DAZAP1: variants seen among roughly 807,000 people sequenced by gnomAD.
DAZAP1 encodes DAZ associated protein 1.
In DAZAP1, 6 loss-of-function variants were observed where a neutral mutation model predicts 60.1. The ratio of observed to expected loss-of-function variants is 0.10; its 90% CI spans 0.05 to 0.20. The LOEUF (loss-of-function observed/expected upper bound fraction) is 0.20, where lower values mean the gene tolerates loss of function less well. Ranked by LOEUF, DAZAP1 falls within the 10% of genes least tolerant of loss-of-function variation. The probability of loss-of-function intolerance (pLI) is 1.00; values close to 1 mark genes in which losing one functional copy is unlikely to be tolerated. For missense variants in DAZAP1, 366 were observed against 560.4 expected (o/e 0.65, Z 3.50); for synonymous variants, 235 against 215.9 (o/e 1.09, Z -0.78).
At position 1,430,304 on chromosome 19, in the gene DAZAP1, T is replaced by C. The variant is rs113778676; in HGVS notation, c.813T>C (p.Pro271=). The change falls in exon 10 of 12, where the codon CCT becomes CCC. Residue 271 remains proline, a synonymous_variant. Transcript: ENST00000233078. The part of the protein sequence containing the change: ...PFTSYIVSTP[P]GGFPPPQGFP... The stretch of plus-strand genomic sequence containing the variant: ...CCTCCTACATCGTGTCCACCCCTCC[T>C]GGAGGCTTTCCCCCTCCCCAGGGCT... The C allele has an allele frequency of 2.4e-3, 3,110 of 1,297,966 alleles. 68 individuals are homozygous for C. In the African/African-American group the frequency reaches 0.045, roughly 19 times the overall value. 80.4% of individuals were successfully genotyped at this position (1,297,966 alleles called of 1,614,324 possible). A position where few individuals can be genotyped will look rare whatever the true frequency, so the allele number is the denominator to read the frequency against.
intron 4 of DAZAP1, among the ~76,000 whole-genome samples, chr19:1,420,022 C>A (rs1234015685): frequency 9.1e-5 from 7 of 76,806 alleles, no homozygotes; most frequent in Admixed American, 1.5e-4. Flanking sequence ...ACCATCCCTA[C>A]AGTCACGGCG....
chr19:1,409,293 G>A (rs1569029100), intron 1 of DAZAP1, among the ~76,000 whole-genome samples: 1 of 152,144 alleles, frequency 6.6e-6, no homozygotes, highest in Non-Finnish European at 1.5e-5. Context: ...TCCCAGATGG[G>A]GTACCTGGAT....
In DAZAP1 at chr19:1,428,128, A is replaced by T. The variant is rs1369538535; in HGVS notation, c.547-714A>T. 6.6e-6 allele frequency: 1 copy of T among 152,192 alleles called. No individual in the cohort carries two copies. Among genetic ancestry groups the T allele is most frequent in the Non-Finnish European group, 1.5e-5 (1 of 68,072 alleles). The allele number at this position is 152,192 out of a possible 1,614,324, so 9.4% of individuals were successfully genotyped here. Reference sequence around the variant, plus strand: ...CCTCCTGAGAAGACTGTGGCTCCTGACACGTCTAGAGAGGAAGGGCCCCGG... The same window carrying T: ...CCTCCTGAGAAGACTGTGGCTCCTGTCACGTCTAGAGAGGAAGGGCCCCGG... On this transcript the variant is annotated intron_variant, in intron 7 of 11. Transcript: ENST00000233078. The surrounding 1 kb of genome is among the most constrained non-coding windows in gnomAD (Gnocchi z 4.0).
At position 1,433,129 on chromosome 19, in the gene DAZAP1, G is replaced by A. The variant is rs935366891; in HGVS notation, c.1048+439G>A. 3 of 192,988 alleles carry A rather than the reference G, an allele frequency of 1.6e-5. No individual in the cohort carries two copies. Among genetic ancestry groups the A allele is most frequent in the Non-Finnish European group, 3.2e-5 (3 of 92,974 alleles). 12.0% of individuals were successfully genotyped at this position (192,988 alleles called of 1,614,324 possible). A position where few individuals can be genotyped will look rare whatever the true frequency, so the allele number is the denominator to read the frequency against. Reference sequence around the variant, plus strand: ...GGCAGAAGCTGGGTCTGTAGTAGGCGTGGCCTGGACGTGGGCTTCACCCTG... The same window carrying A: ...GGCAGAAGCTGGGTCTGTAGTAGGCATGGCCTGGACGTGGGCTTCACCCTG... On this transcript the variant is annotated intron_variant, in intron 11 of 11. Coordinates refer to ENST00000233078, the MANE Select transcript of DAZAP1 (RefSeq NM_018959.4). This position sits in a 1 kb window ranked among gnomAD's most constrained non-coding sequence, Gnocchi z 6.1.
In DAZAP1 at chr19:1,432,645, A is replaced by G; in HGVS notation, c.1003A>G (p.Ser335Gly). 6.2e-7 allele frequency: 1 copy of G among 1,612,974 alleles called. No homozygotes were observed. The highest frequency in any genetic ancestry group is 8.5e-7 in the Non-Finnish European group (1 of 1,179,714). Residue 335 changes from serine to glycine, a missense_variant, in exon 11 of 12, where the codon AGC becomes GGC. By Grantham distance (56) the Ser-to-Gly change is moderately conservative. Coordinates refer to ENST00000233078, the MANE Select transcript of DAZAP1 (RefSeq NM_018959.4). This position sits in a 1 kb window ranked among gnomAD's most constrained non-coding sequence, Gnocchi z 4.9. ...PPPSQAAPDM[S>G]KPPTAQPDFP... ...TCCGTCTCAGGCTGCCCCGGACATG[A>G]GCAAGCCCCCGACAGCTCAGCCAGA...
At chr19:1,411,319 A>G (rs2082824028) in intron 1 of DAZAP1, among the ~76,000 whole-genome samples, 1 of 152,180 alleles carries the variant, frequency 6.6e-6, no homozygotes, top group Admixed American at 6.5e-5. Flanking sequence ...TTTGGCCTCC[A>G]TTCACTCCGG....
chr19:1,428,906 G>A lies in DAZAP1; in HGVS notation c.611G>A (p.Ser204Asn), dbSNP rs767767105. 2.5e-6 allele frequency: 4 copies of A among 1,612,970 alleles called. No individual in the cohort carries two copies. Among genetic ancestry groups the A allele is most frequent in the East Asian group, 4.5e-5 (2 of 44,860 alleles). The stretch of plus-strand genomic sequence containing the variant: ...CAAGCGCCGGGACAGCCAGGTGCCA[G>A]CCAGTGGGGGAGCCGGGTTGTGCCC... ...KSQAPGQPGA[S>N]QWGSRVVPNA... Residue 204 changes from serine to asparagine, a missense_variant, in exon 8 of 12, where the codon AGC (serine) becomes AAC (asparagine). Coordinates refer to ENST00000233078, the MANE Select transcript of DAZAP1 (RefSeq NM_018959.4). The surrounding 1 kb of genome is among the most constrained non-coding windows in gnomAD (Gnocchi z 4.0).
At chr19:1,415,319 A>G (rs1241511298) in intron 1 of DAZAP1, among the ~76,000 whole-genome samples, 1 of 139,106 alleles carries the variant, frequency 7.2e-6, no homozygotes, top group Non-Finnish European at 1.5e-5. Context: ...TGTTTCTTCA[A>G]GTGACTTGGA....
intron 1 of DAZAP1, among the ~76,000 whole-genome samples, chr19:1,415,056 G>A (rs910052052): frequency 1.3e-5 from 2 of 152,024 alleles, no homozygotes; most frequent in South Asian, 2.1e-4. Flanking sequence ...CGTGATCTGC[G>A]CCCAGCTGAG....
rs148335010 is a variant in DAZAP1 at position 1,418,487 on chromosome 19, G to A, written c.237+117G>A. 10 of 1,430,202 alleles carry A rather than the reference G, an allele frequency of 7.0e-6. No individual in the cohort carries two copies. Among genetic ancestry groups the A allele is most frequent in the African/African-American group, 4.2e-5 (3 of 71,268 alleles). 88.6% of individuals were successfully genotyped at this position (1,430,202 alleles called of 1,614,324 possible). A position where few individuals can be genotyped will look rare whatever the true frequency, so the allele number is the denominator to read the frequency against. On this transcript the variant is annotated intron_variant, in intron 3 of 11. Coordinates refer to ENST00000233078, the MANE Select transcript of DAZAP1 (RefSeq NM_018959.4). The surrounding 1 kb of genome is among the most constrained non-coding windows in gnomAD (Gnocchi z 5.7). ...TTAGAGTATGTTTGAACGTGGGGTC[G>A]ATTGGGAAGGATTAAGCCTTGGTGC...
chr19:1,427,673 C>T (rs535827986), intron 7 of DAZAP1: 2 of 152,376 alleles, frequency 1.3e-5, no homozygotes, highest in East Asian at 3.9e-4. Context: ...AAGACTCGCT[C>T]ATTTGAGTTC....
chr19:1,434,119 A>G lies in DAZAP1; in HGVS notation c.1049-618A>G. The G allele has an allele frequency of 2.3e-6, 1 of 427,454 alleles. No homozygotes were observed. The highest frequency in any genetic ancestry group is 4.3e-6 in the Non-Finnish European group (1 of 233,276). The allele number at this position is 427,454 out of a possible 1,614,324, so 26.5% of individuals were successfully genotyped here. ...GCGGCGTGAGCAGCTCTGTCCTTGT[A>G]AAGACACCGCTGTCCATGCTCCTGA... On this transcript the variant is annotated intron_variant, in intron 11 of 11. Coordinates refer to ENST00000233078, the MANE Select transcript of DAZAP1 (RefSeq NM_018959.4). The surrounding 1 kb of genome is among the most constrained non-coding windows in gnomAD (Gnocchi z 8.0).
Position 1,428,606 on chromosome 19 carries a change from TGTGTCTTACG to T in DAZAP1, c.547-233_547-224del. On this transcript the variant is annotated intron_variant, in intron 7 of 11. Transcript: ENST00000233078. This position sits in a 1 kb window ranked among gnomAD's most constrained non-coding sequence, Gnocchi z 4.0. ...GCTGCCCCGCAGTGGGCGGGCTCTGTGTGTCTTACGGTTGCATCTGTTGTACCTGAGAAAC... is the reference window on the plus strand; with the variant it reads ...GCTGCCCCGCAGTGGGCGGGCTCTGTGTTGCATCTGTTGTACCTGAGAAAC... 1 of 507,262 alleles carries T rather than the reference TGTGTCTTACG, an allele frequency of 2.0e-6. No homozygotes were observed. The highest frequency in any genetic ancestry group is 3.4e-6 in the Non-Finnish European group (1 of 293,196). 31.4% of individuals were successfully genotyped at this position (507,262 alleles called of 1,614,324 possible).
In DAZAP1 at chr19:1,418,574, G is replaced by T; in HGVS notation, c.238-92G>T. ...GAGCCGGCGGGGCGGGGCGGGCCGGGCTGCTGTGCCGTGGCTGCTGTTGTG... is the reference window on the plus strand; with the variant it reads ...GAGCCGGCGGGGCGGGGCGGGCCGGTCTGCTGTGCCGTGGCTGCTGTTGTG... On this transcript the variant is annotated intron_variant, in intron 3 of 11. Transcript: ENST00000233078. This position sits in a 1 kb window ranked among gnomAD's most constrained non-coding sequence, Gnocchi z 5.7. The T allele has an allele frequency of 6.5e-7, 1 of 1,537,254 alleles. No homozygotes were observed. Among genetic ancestry groups the T allele is most frequent in the Non-Finnish European group, 9.0e-7 (1 of 1,111,606 alleles).
In DAZAP1 at chr19:1,417,557, T is replaced by G. The variant is rs751555499; in HGVS notation, c.70+17T>G. 1.2e-6 allele frequency: 2 copies of G among 1,600,646 alleles called. No individual in the cohort carries two copies. The highest frequency in any genetic ancestry group is 2.3e-5 in the South Asian group (2 of 88,384). ...CGACCCAAGGTAGGTGGGGAAGGGGTGTCAGGTGGGTACTGCAGATGGGCT... is the reference window on the plus strand; with the variant it reads ...CGACCCAAGGTAGGTGGGGAAGGGGGGTCAGGTGGGTACTGCAGATGGGCT... On this transcript the variant is annotated intron_variant, in intron 2 of 11. Transcript: ENST00000233078.
rs1038865455 is a variant in DAZAP1, at chr19:1,422,992, G to T, written c.463+596G>T. 6.6e-6 allele frequency among the ~76,000 whole-genome samples: 1 copy of T among 152,120 alleles called. No individual in the cohort carries two copies. Among genetic ancestry groups the T allele is most frequent in the East Asian group, 1.9e-4 (1 of 5,200 alleles). ...CCATGCTGGTTTGTGGAGCTGGGAC[G>T]ATGGGCGCCCAGTTTCTGTGCCCCT... On this transcript the variant is annotated intron_variant, in intron 6 of 11. Transcript: ENST00000233078. This position sits in a 1 kb window ranked among gnomAD's most constrained non-coding sequence, Gnocchi z 4.5.
rs539736575 is a variant in DAZAP1, at chr19:1,412,445, T to C, written c.29+4643T>C. On this transcript the variant is annotated intron_variant, in intron 1 of 11. Coordinates refer to ENST00000233078, the MANE Select transcript of DAZAP1 (RefSeq NM_018959.4). ...TTGAGATTGTGCACGGAGCTGAGTG[T>C]GACTGGCGGAGCCCAGAGCCAGGTG... 2.2e-4 allele frequency among the ~76,000 whole-genome samples: 33 copies of C among 152,262 alleles called. No individual in the cohort carries two copies. The South Asian group carries it at 6.6e-3, about 31-fold the overall frequency.
At chr19:1,421,516 T>A (rs1282104181) in intron 5 of DAZAP1, among the ~76,000 whole-genome samples, 1 of 152,242 alleles carries the variant, frequency 6.6e-6, no homozygotes, top group African/African-American at 2.4e-5. Context: ...GCCGCCCGAT[T>A]CCATTGTGAA....
At chr19:1,430,412 C>T (rs979194211) in intron 10 of DAZAP1, 50 bp downstream of exon 10, 11 of 1,446,304 alleles carry the variant, frequency 7.6e-6, no homozygotes, top group Admixed American at 5.4e-5. Flanking sequence ...TCCGGAGATG[C>T]CAGGTGGTGG....
Sources: allele counts gnomAD v4.1 joint callset (sites outside exome capture counted in the v4.1 genomes callset), GRCh38; gene constraint gnomAD v4.1.1; non-coding constraint Gnocchi (gnomAD v3.1); transcripts MANE v1.5; gene names NCBI Gene and HGNC (gene_info 2026-07-23, HGNC 2026-07-21).